Variants in OR14I1 observed in about 807,000 individuals in gnomAD.
The protein encoded by OR14I1 is olfactory receptor family 14 subfamily I member 1, also known as olfactory receptor 14I1.
For missense variants in OR14I1, 279 were observed against 181.8 expected (o/e 1.53, Z -3.07); for synonymous variants, 118 against 71.1 (o/e 1.66, Z -3.32).
At chr1:248,681,474 T>C (rs1572128282) in exon 1 of OR14I1, 2 of 781,070 alleles carry the variant, frequency 2.6e-6, no homozygotes, top group East Asian at 4.8e-5. Context: ...GAGGCAAAAC[T>C]GTGTATGTCA....
At chr1:248,693,894 C>CT in the OR14I1 span, among the ~76,000 whole-genome samples, 72 of 142,584 alleles carry the variant, frequency 5.0e-4, 1 homozygote, top group African/African-American at 1.7e-3. Flanking sequence ...AAGTCCAGAA[C>CT]TTTTTAAAAA....
chr1:248,692,806 G>A, the OR14I1 span: 3 of 152,212 alleles, frequency 2.0e-5, no homozygotes, highest in African/African-American at 7.2e-5. Flanking sequence ...ATTGGTTCCT[G>A]CCTATTATAG....
chr1:248,688,253 C>T, the OR14I1 span, among the ~76,000 whole-genome samples: 1 of 152,198 alleles, frequency 6.6e-6, no homozygotes, highest in Non-Finnish European at 1.5e-5. Context: ...TAGGGCAAGA[C>T]AGCTAGGAAA....
downstream of OR14I1, among the ~76,000 whole-genome samples, chr1:248,680,967 C>CGTGTGTGTGTGTGTGTGT (rs34495040): frequency 8.2e-5 from 12 of 147,218 alleles, no homozygotes; most frequent in African/African-American, 2.5e-4. Flanking sequence ...AAACTGTGTG[C>CGTGTGTGTGTGTGTGTGT]GTGTGTGTGT....
chr1:248,699,876 G>A, the OR14I1 span, among the ~76,000 whole-genome samples: 29 of 152,312 alleles, frequency 1.9e-4, no homozygotes, highest in Non-Finnish European at 3.7e-4. Flanking sequence ...TCCTGCCTCA[G>A]CCTCCCAAGT....
upstream of OR14I1, among the ~76,000 whole-genome samples, chr1:248,687,165 G>A (rs1661671617): frequency 6.6e-6 from 1 of 152,166 alleles, no homozygotes; most frequent in Admixed American, 6.5e-5. Context: ...AGAGAGTGAG[G>A]AGAGTAAACA....
chr1:248,679,138 G>T (rs376968088), downstream of OR14I1, among the ~76,000 whole-genome samples: 83 of 152,280 alleles, frequency 5.5e-4, 1 homozygote, highest in African/African-American at 2.0e-3. Context: ...AATGCCAGGG[G>T]CTCTGGATCA....
At chr1:248,678,891 G>A (rs1386318787), downstream of OR14I1, among the ~76,000 whole-genome samples, 1 of 152,136 alleles carries the variant, frequency 6.6e-6, no homozygotes, top group African/African-American at 2.4e-5. Context: ...TAAAAAAGCT[G>A]AATATTAATG....
upstream of OR14I1, among the ~76,000 whole-genome samples, chr1:248,683,562 A>G (rs1382968256): frequency 1.3e-5 from 2 of 152,272 alleles, no homozygotes; most frequent in Non-Finnish European, 2.9e-5. Flanking sequence ...TTTATAAGAC[A>G]GGTAGAACCT....
chr1:248,684,405 A>C (rs150565239), upstream of OR14I1, among the ~76,000 whole-genome samples: 15 of 152,314 alleles, frequency 9.8e-5, no homozygotes, highest in African/African-American at 3.6e-4. Context: ...CCTACTTTGG[A>C]GGGTCAACTG....
At chr1:248,688,306 T>C in the OR14I1 span, among the ~76,000 whole-genome samples, 1 of 152,252 alleles carries the variant, frequency 6.6e-6, no homozygotes, top group Non-Finnish European at 1.5e-5. Flanking sequence ...AGCCAACGCT[T>C]TCTTCCTTAT....
the OR14I1 span, chr1:248,692,606 T>TGCTC: frequency 2.6e-5 from 4 of 152,746 alleles, no homozygotes; most frequent in South Asian, 6.2e-4. Flanking sequence ...TTGGGCAGTG[T>TGCTC]ACTCATCAGC....
chr1:248,695,228 CTTTTTTTTTTT>C, the OR14I1 span, among the ~76,000 whole-genome samples: 2 of 96,732 alleles, frequency 2.1e-5, no homozygotes, highest in East Asian at 3.1e-4. Flanking sequence ...TGAATGTATG[CTTTTTTTTTTT>C]TTTTTTTTTT....
the OR14I1 span, among the ~76,000 whole-genome samples, chr1:248,695,738 C>T: frequency 6.6e-6 from 1 of 152,132 alleles, no homozygotes; most frequent in East Asian, 1.9e-4. Flanking sequence ...CTTCTCCTAC[C>T]CCGGGTGGAG....
chr1:248,693,239 TC>T, the OR14I1 span, among the ~76,000 whole-genome samples: 1 of 152,106 alleles, frequency 6.6e-6, no homozygotes, highest in Non-Finnish European at 1.5e-5. Context: ...CACTGACTGT[TC>T]CTGCTCCCAC....
exon 1 of OR14I1, chr1:248,682,298 T>G (rs1449873245): frequency 1.4e-6 from 1 of 735,838 alleles, no homozygotes; most frequent in Non-Finnish European, 2.5e-6. Flanking sequence ...TTTGTGAGAT[T>G]GTCCATTTGG....
chr1:248,678,936 A>T (rs2103130651), downstream of OR14I1, among the ~76,000 whole-genome samples: 1 of 152,374 alleles, frequency 6.6e-6, no homozygotes, highest in East Asian at 1.9e-4. Flanking sequence ...TTGCAGAATT[A>T]TACTAGAAGA....
the OR14I1 span, among the ~76,000 whole-genome samples, chr1:248,698,212 T>TA: frequency 6.6e-6 from 1 of 152,222 alleles, no homozygotes; most frequent in African/African-American, 2.4e-5. Context: ...ATTTGCATAA[T>TA]AAAAGAGATG....
the OR14I1 span, among the ~76,000 whole-genome samples, chr1:248,697,715 G>A: frequency 1.2e-4 from 18 of 152,116 alleles, no homozygotes; most frequent in African/African-American, 4.1e-4. Flanking sequence ...CCCAGGAGGC[G>A]GAGGTTGTGG....
Sources: allele counts gnomAD v4.1 joint callset (sites outside exome capture counted in the v4.1 genomes callset), GRCh38; gene constraint gnomAD v4.1.1; transcripts MANE v1.5; gene names NCBI Gene and HGNC (gene_info 2026-07-23, HGNC 2026-07-21).